Variants in MYT1L observed in about 807,000 individuals in gnomAD.
The protein encoded by MYT1L is myelin transcription factor 1-like protein.
In MYT1L, 12 loss-of-function variants were observed where a neutral mutation model predicts 126.7. The observed-to-expected ratio is 0.09, with a 90% CI of 0.06 to 0.15. The LOEUF (loss-of-function observed/expected upper bound fraction) is 0.15, where lower values mean the gene tolerates loss of function less well. MYT1L is among the 10% of genes least tolerant of loss of function. MYT1L has a pLI of 1.00. For synonymous variants in MYT1L, 541 were observed against 604.2 expected, an observed-to-expected ratio of 0.90 and a Z score of 1.53; for missense variants, 979 against 1,585.2, an observed-to-expected ratio of 0.62 and a Z score of 6.49.
Position 2,122,872 on chromosome 2 carries a change from T to TGTGTGTGAGAGA in MYT1L, c.-304+49999_-304+50000insTCTCTCACACAC, listed in dbSNP as rs553951630. On this transcript the variant is annotated intron_variant, in intron 3 of 24. Coordinates refer to ENST00000647738, the MANE Select transcript of MYT1L (RefSeq NM_001303052.2). ...GTGTGTGTGTGTGTGTGTGTGTGTG[T>TGTGTGTGAGAGA]GAGAGAGAGAGAGAGAGAGACCAAT... Among the ~76,000 whole-genome samples, 114 of 133,054 alleles carry TGTGTGTGAGAGA rather than the reference T, an allele frequency of 8.6e-4. No individual in the cohort carries two copies. The Middle Eastern group carries it at 0.019, about 22-fold the overall frequency. 87.3% of individuals were successfully genotyped at this position (133,054 alleles called of 152,430 possible). A position where few individuals can be genotyped will look rare whatever the true frequency, so the allele number is the denominator to read the frequency against.
intron 18 of MYT1L, 64 bp downstream of exon 18, chr2:1,886,474 AT>A (rs1031452204): frequency 4.9e-4 from 578 of 1,190,178 alleles, no homozygotes; most frequent in South Asian, 1.6e-3. Flanking sequence ...ATGACATATC[AT>A]TTTTTTTTGT....
chr2:2,004,973 TGCCTTCTTTCCTGC>T, intron 4 of MYT1L, among the ~76,000 whole-genome samples: 1 of 135,946 alleles, frequency 7.4e-6, no homozygotes, highest in Non-Finnish European at 1.5e-5. Context: ...CTTTCCTGCA[TGCCTTCTTTCCTGC>T]AGGCGTTCTT....
chr2:2,177,745 A>G (rs2148598247), intron 2 of MYT1L, among the ~76,000 whole-genome samples: 1 of 152,308 alleles, frequency 6.6e-6, no homozygotes, highest in East Asian at 1.9e-4. Context: ...CACTATCATG[A>G]GAACAGCATG....
chr2:2,064,107 A>T (rs1481100878), intron 3 of MYT1L, among the ~76,000 whole-genome samples: 1 of 152,242 alleles, frequency 6.6e-6, no homozygotes, highest in Non-Finnish European at 1.5e-5. Flanking sequence ...TTAAGTATTG[A>T]CAGCAGAACT....
At chr2:1,813,371 G>A (rs1572466770) in intron 21 of MYT1L, among the ~76,000 whole-genome samples, 1 of 152,290 alleles carries the variant, frequency 6.6e-6, no homozygotes, top group Middle Eastern at 3.4e-3. Flanking sequence ...CCACAGCTGA[G>A]AAATGGCCCC....
At chr2:2,317,961 G>T (rs528743808) in intron 1 of MYT1L, among the ~76,000 whole-genome samples, 11 of 152,296 alleles carry the variant, frequency 7.2e-5, no homozygotes, top group African/African-American at 2.6e-4. Flanking sequence ...CCCAGTCAAA[G>T]GAGGAAGGGA....
At chr2:2,140,529 G>A (rs112417477) in intron 3 of MYT1L, among the ~76,000 whole-genome samples, 59 of 148,210 alleles carry the variant, frequency 4.0e-4, no homozygotes, top group African/African-American at 1.4e-3. Context: ...CCGCCTCCCT[G>A]GTTCAAGGGA....
chr2:2,068,757 T>G (rs1553456969), intron 3 of MYT1L, among the ~76,000 whole-genome samples: 1 of 103,614 alleles, frequency 9.7e-6, no homozygotes, highest in Non-Finnish European at 2.1e-5. Context: ...CACAGACACC[T>G]GTGTTCTTCT....
chr2:2,158,802 C>A lies in MYT1L; in HGVS notation c.-304+14070G>T, dbSNP rs528495612. ...AGCAGAAAGCAATGGTCTATGATGA[C>A]ACGTGTCTTTCACCGACAGGCAGAC... On this transcript the variant is annotated intron_variant, in intron 3 of 24. Transcript: ENST00000647738. 7.9e-5 allele frequency among the ~76,000 whole-genome samples: 12 copies of A among 152,158 alleles called. No homozygotes were observed. The East Asian group carries it at 2.3e-3, about 30-fold the overall frequency.
intron 4 of MYT1L, among the ~76,000 whole-genome samples, chr2:2,001,484 G>C (rs1263535998): frequency 2.0e-5 from 3 of 152,184 alleles, no homozygotes; most frequent in Non-Finnish European, 2.9e-5. Flanking sequence ...TACATTATAT[G>C]TAAACATTTG....
chr2:1,818,003 C>T (rs1012218745), intron 21 of MYT1L, among the ~76,000 whole-genome samples: 5 of 152,192 alleles, frequency 3.3e-5, no homozygotes, highest in African/African-American at 9.6e-5. Context: ...ACGTCTGGCA[C>T]CAGGCGTCAG....
At chr2:1,856,115 A>C (rs1053371135) in intron 18 of MYT1L, among the ~76,000 whole-genome samples, 4 of 152,248 alleles carry the variant, frequency 2.6e-5, no homozygotes, top group Non-Finnish European at 5.9e-5. Flanking sequence ...AGCAACAACA[A>C]GAAAACAAAA....
intron 14 of MYT1L, among the ~76,000 whole-genome samples, chr2:1,902,366 AGCTACG>A (rs1032242132): frequency 4.6e-5 from 7 of 152,228 alleles, no homozygotes; most frequent in African/African-American, 1.4e-4. Flanking sequence ...CAGGGGACGA[AGCTACG>A]GCTCTGCCGG....
chr2:2,017,655 T>C (rs991938259), intron 4 of MYT1L, among the ~76,000 whole-genome samples: 2 of 152,202 alleles, frequency 1.3e-5, no homozygotes, highest in African/African-American at 4.8e-5. Context: ...GATGTAACTT[T>C]GAAAAAGTAT....
At chr2:2,225,089 C>A (rs1297680942) in intron 2 of MYT1L, among the ~76,000 whole-genome samples, 1 of 151,910 alleles carries the variant, frequency 6.6e-6, no homozygotes, top group East Asian at 1.9e-4. Flanking sequence ...AGATGGCACC[C>A]TTTGGACACT....
intron 2 of MYT1L, among the ~76,000 whole-genome samples, chr2:2,197,022 G>A (rs115198069): frequency 6.2e-4 from 94 of 152,158 alleles, no homozygotes; most frequent in African/African-American, 1.4e-3. Flanking sequence ...ATTACAGTGC[G>A]AATGTTAAGG....
rs116104501 is a variant in MYT1L, at chr2:2,170,477, C to T, written c.-304+2395G>A. On this transcript the variant is annotated intron_variant, in intron 3 of 24. Transcript: ENST00000647738. ...GTGATGAGCAGTTGCACGGAGACCA[C>T]TCCCTCCACAAAGTCTAAAATCATC... 4.1e-3 allele frequency among the ~76,000 whole-genome samples: 623 copies of T among 152,322 alleles called. 4 individuals are homozygous for T. Among genetic ancestry groups the T allele is most frequent in the African/African-American group, 0.014 (602 of 41,576 alleles).
At chr2:2,299,344 C>G (rs928196475) in intron 1 of MYT1L, among the ~76,000 whole-genome samples, 9 of 152,212 alleles carry the variant, frequency 5.9e-5, no homozygotes, top group African/African-American at 1.9e-4. Context: ...GAGCCGCCAG[C>G]AGGGACCCAT....
intron 4 of MYT1L, among the ~76,000 whole-genome samples, chr2:2,030,733 A>G (rs928181231): frequency 1.3e-5 from 2 of 152,188 alleles, no homozygotes; most frequent in African/African-American, 4.8e-5. Flanking sequence ...ATTTGGTAAA[A>G]CCTGCCTGTA....
Sources: gnomAD v4.1 joint callset for allele counts (sites outside exome capture counted in the v4.1 genomes callset) on GRCh38, gnomAD v4.1.1 for gene constraint, MANE v1.5 for transcripts, NCBI Gene and HGNC (gene_info 2026-07-23, HGNC 2026-07-21) for gene names.